Variants in GTSE1 observed in about 807,000 individuals in gnomAD.
The protein encoded by GTSE1 is G2 and S-phase expressed 1.
Under a neutral mutation model 60.5 loss-of-function variants are expected in GTSE1, and 52 were observed. That is an observed-to-expected ratio of 0.86 (90% CI 0.69 to 1.08). GTSE1 has a LOEUF of 1.08. Ranked by LOEUF, GTSE1 falls within the 50% of genes least tolerant of loss-of-function variation. The probability of loss-of-function intolerance (pLI) is 0.00; values close to 1 mark genes in which losing one functional copy is unlikely to be tolerated. For missense variants in GTSE1, 937 were observed against 961.8 expected (o/e 0.97, Z 0.34); for synonymous variants, 368 against 386.5 (o/e 0.95, Z 0.56).
chr22:46,326,128 C>T (rs2147833301), intron 8 of GTSE1, among the ~76,000 whole-genome samples: 1 of 152,382 alleles, frequency 6.6e-6, no homozygotes, highest in East Asian at 1.9e-4. Flanking sequence ...TGTGAAGTGA[C>T]ATTTAATGGT....
At position 46,329,490 on chromosome 22, in the gene GTSE1, A is replaced by G; in HGVS notation, c.2059A>G (p.Arg687Gly). Residue 687 changes from arginine (R) to glycine (G), a missense_variant, in exon 11 of 12, where the codon AGG becomes GGG. By Grantham distance (125) the Arg-to-Gly change is moderately radical. Coordinates refer to ENST00000454366, the MANE Select transcript of GTSE1 (RefSeq NM_016426.7). The surrounding 1 kb of genome is among the most constrained non-coding windows in gnomAD (Gnocchi z 6.4). ...EAHVAVGSES[R>G]PLIDLMTNTP... The stretch of plus-strand genomic sequence containing the variant: ...ACACGTGGCTGTAGGATCTGAAAGC[A>G]GGCCTCTGATCGACCTCATGACAAA... 3.1e-6 allele frequency: 5 copies of G among 1,614,180 alleles called. No individual in the cohort carries two copies. In the South Asian group the frequency reaches 3.3e-5, roughly 11 times the overall value.
intron 2 of GTSE1, among the ~76,000 whole-genome samples, chr22:46,302,035 G>A (rs1322036631): frequency 6.6e-6 from 1 of 152,144 alleles, no homozygotes; most frequent in Admixed American, 6.5e-5. Flanking sequence ...TAGGGCAGGA[G>A]AATCGCTTGA....
chr22:46,316,555 C>T lies in GTSE1; in HGVS notation c.1432+143C>T, dbSNP rs183643566. Reference sequence around the variant, plus strand: ...TTTCAGGTGTGACCCGCTGTCTTCTCGCCCACGTTGTTTTGGGGGGTCACT... The same window carrying T: ...TTTCAGGTGTGACCCGCTGTCTTCTTGCCCACGTTGTTTTGGGGGGTCACT... On this transcript the variant is annotated intron_variant, in intron 7 of 11. Coordinates refer to ENST00000454366, the MANE Select transcript of GTSE1 (RefSeq NM_016426.7). The surrounding 1 kb of genome is among the most constrained non-coding windows in gnomAD (Gnocchi z 5.0). The T allele has an allele frequency of 0.015, 9,916 of 655,708 alleles. 110 individuals carry two copies. Among genetic ancestry groups the T allele is most frequent in the Non-Finnish European group, 0.019 (7,237 of 388,012 alleles). 40.6% of individuals were successfully genotyped at this position (655,708 alleles called of 1,614,324 possible).
At chr22:46,328,413 G>A (rs1014127142) in intron 9 of GTSE1, among the ~76,000 whole-genome samples, 3 of 152,244 alleles carry the variant, frequency 2.0e-5, no homozygotes, top group African/African-American at 2.4e-5. Context: ...GGTGACGGGC[G>A]TGCGCATTAC....
At position 46,309,481 on chromosome 22, in the gene GTSE1, C is replaced by T. The variant is rs950219150; in HGVS notation, c.762+538C>T. 2.6e-5 allele frequency among the ~76,000 whole-genome samples: 4 copies of T among 152,074 alleles called. No homozygotes were observed. The highest frequency in any genetic ancestry group is 2.1e-4 in the South Asian group (1 of 4,820). On this transcript the variant is annotated intron_variant, in intron 4 of 11. Coordinates refer to ENST00000454366, the MANE Select transcript of GTSE1 (RefSeq NM_016426.7). This position sits in a 1 kb window ranked among gnomAD's most constrained non-coding sequence, Gnocchi z 6.2. The stretch of plus-strand genomic sequence containing the variant: ...AGGGCTGCCCGATCTGGCTCTTGCT[C>T]GGGAGAGGCCACAGAGAGGAAGACG...
rs1270613410 is a variant in GTSE1 at position 46,309,017 on chromosome 22, T to C, written c.762+74T>C. On this transcript the variant is annotated intron_variant, in intron 4 of 11. Transcript: ENST00000454366. This position sits in a 1 kb window ranked among gnomAD's most constrained non-coding sequence, Gnocchi z 6.2. ...CCTCAGCCCTCTCACAGAAGCCACATGCGGAAAGCCTCAGAGGTGGCGAGT... is the reference window on the plus strand; with the variant it reads ...CCTCAGCCCTCTCACAGAAGCCACACGCGGAAAGCCTCAGAGGTGGCGAGT... 11 of 1,499,758 alleles carry C rather than the reference T, an allele frequency of 7.3e-6. No individual in the cohort carries two copies. Among genetic ancestry groups the C allele is most frequent in the South Asian group, 2.6e-5 (2 of 76,444 alleles). The allele number at this position is 1,499,758 out of a possible 1,614,324, so 92.9% of individuals were successfully genotyped here.
Position 46,309,697 on chromosome 22 carries a change from G to A in GTSE1, c.762+754G>A, listed in dbSNP as rs1330424008. On this transcript the variant is annotated intron_variant, in intron 4 of 11. Transcript: ENST00000454366. This position sits in a 1 kb window ranked among gnomAD's most constrained non-coding sequence, Gnocchi z 6.2. ...CATCTCCTGAGCCACATGACTCCCT[G>A]TGGTGAGAGCCAAGGATGGAAGGCA... 6.6e-6 allele frequency among the ~76,000 whole-genome samples: 1 copy of A among 152,186 alleles called. No individual in the cohort carries two copies. The highest frequency in any genetic ancestry group is 1.5e-5 in the Non-Finnish European group (1 of 68,034).
At position 46,297,588 on chromosome 22, in the gene GTSE1, C is replaced by T. The variant is rs34986428; in HGVS notation, c.79+109C>T. ...CTTTCTCAAGTGCTCGACTTGTACT[C>T]TGCACCTGTGAAACACATGACATCT... is the stretch of plus-strand genomic sequence containing the variant. On this transcript the variant is annotated intron_variant, in intron 2 of 11. Coordinates refer to ENST00000454366, the MANE Select transcript of GTSE1 (RefSeq NM_016426.7). The surrounding 1 kb of genome is among the most constrained non-coding windows in gnomAD (Gnocchi z 4.9). 6.6e-6 allele frequency: 5 copies of T among 761,296 alleles called. No homozygotes were observed. In the Admixed American group the frequency reaches 1.2e-4, roughly 18 times the overall value. The allele number at this position is 761,296 out of a possible 1,614,324, so 47.2% of individuals were successfully genotyped here. A position where few individuals can be genotyped will look rare whatever the true frequency, so the allele number is the denominator to read the frequency against.
chr22:46,325,979 G>A (rs1465408619), intron 8 of GTSE1, among the ~76,000 whole-genome samples: 2 of 152,280 alleles, frequency 1.3e-5, no homozygotes, highest in African/African-American at 4.8e-5. Context: ...GCGACCTTAA[G>A]CCTGGGTATG....
rs1283806846 is a variant in GTSE1, at chr22:46,329,263, C to T, written c.1927-95C>T. The T allele has an allele frequency of 1.9e-6, 2 of 1,073,390 alleles. No homozygotes were observed. Among genetic ancestry groups the T allele is most frequent in the Admixed American group, 1.7e-5 (1 of 58,990 alleles). 66.5% of individuals were successfully genotyped at this position (1,073,390 alleles called of 1,614,324 possible). On this transcript the variant is annotated intron_variant, in intron 10 of 11. Coordinates refer to ENST00000454366, the MANE Select transcript of GTSE1 (RefSeq NM_016426.7). This position sits in a 1 kb window ranked among gnomAD's most constrained non-coding sequence, Gnocchi z 6.4. The stretch of plus-strand genomic sequence containing the variant: ...CCTGATTCCTTGGCTTTCCAAACCG[C>T]CAGCCCACCTGGAACATGAGCAAAG...
At chr22:46,302,955 A>G (rs1448470734) in intron 2 of GTSE1, among the ~76,000 whole-genome samples, 1 of 140,500 alleles carries the variant, frequency 7.1e-6, no homozygotes, top group South Asian at 2.2e-4. Context: ...GCTGGAGTGC[A>G]GTGGCGTGAT....
Position 46,297,586 on chromosome 22 carries a change from C to A in GTSE1, c.79+107C>A. 1 of 771,530 alleles carries A rather than the reference C, an allele frequency of 1.3e-6. No individual in the cohort carries two copies. Among genetic ancestry groups the A allele is most frequent in the Non-Finnish European group, 2.2e-6 (1 of 455,318 alleles). 47.8% of individuals were successfully genotyped at this position (771,530 alleles called of 1,614,324 possible). A position where few individuals can be genotyped will look rare whatever the true frequency, so the allele number is the denominator to read the frequency against. On this transcript the variant is annotated intron_variant, in intron 2 of 11. Coordinates refer to ENST00000454366, the MANE Select transcript of GTSE1 (RefSeq NM_016426.7). This position sits in a 1 kb window ranked among gnomAD's most constrained non-coding sequence, Gnocchi z 4.9. ...TTCTTTCTCAAGTGCTCGACTTGTA[C>A]TCTGCACCTGTGAAACACATGACAT... is the stretch of plus-strand genomic sequence containing the variant.
chr22:46,329,359 CTCT>C lies in GTSE1; in HGVS notation c.1933_1935del (p.Leu645del), dbSNP rs770233969. 2.7e-5 allele frequency: 43 copies of C among 1,612,414 alleles called. 1 individual carries two copies. In the South Asian group the frequency reaches 4.4e-4, roughly 16 times the overall value. On this transcript the variant is annotated inframe_deletion and splice_region_variant, in exon 11 of 12. Coordinates refer to ENST00000454366, the MANE Select transcript of GTSE1 (RefSeq NM_016426.7). The surrounding 1 kb of genome is among the most constrained non-coding windows in gnomAD (Gnocchi z 6.4). The stretch of plus-strand genomic sequence containing the variant: ...TCTTAACCTTGGTTTTGTACCCAGG[CTCT>C]TCTTGTAGATATCAAACTGGAACCA...
rs753816603 is a variant in GTSE1 at position 46,316,428 on chromosome 22, AT to A, written c.1432+20del. The A allele has an allele frequency of 1.3e-5, 18 of 1,389,296 alleles. No homozygotes were observed. The highest frequency in any genetic ancestry group is 1.7e-5 in the Non-Finnish European group (17 of 1,009,880). 86.1% of individuals were successfully genotyped at this position (1,389,296 alleles called of 1,614,324 possible). A position where few individuals can be genotyped will look rare whatever the true frequency, so the allele number is the denominator to read the frequency against. On this transcript the variant is annotated intron_variant, in intron 7 of 11. Transcript: ENST00000454366. The surrounding 1 kb of genome is among the most constrained non-coding windows in gnomAD (Gnocchi z 5.0). ...TTTTCTATTGGTGAGTAATAGATAC[AT>A]TTTAATGTGTCTTTAAAAAATACTG...
rs1172193815 is a variant in GTSE1, at chr22:46,314,880, ACT to A, written c.1051+872_1051+873del. 6.6e-6 allele frequency among the ~76,000 whole-genome samples: 1 copy of A among 151,334 alleles called. No homozygotes were observed. The highest frequency in any genetic ancestry group is 2.4e-5 in the African/African-American group (1 of 41,152). On this transcript the variant is annotated intron_variant, in intron 6 of 11. Coordinates refer to ENST00000454366, the MANE Select transcript of GTSE1 (RefSeq NM_016426.7). This position sits in a 1 kb window ranked among gnomAD's most constrained non-coding sequence, Gnocchi z 7.1. Reference sequence around the variant, plus strand: ...AAAAAAAAAAAAATGATAAGTGTGAACTCTCTAATCAGATTGATCTGATCTGG... The same window carrying A: ...AAAAAAAAAAAAATGATAAGTGTGAACTCTAATCAGATTGATCTGATCTGG...
At chr22:46,311,819 C>A (rs1024821641) in intron 4 of GTSE1, among the ~76,000 whole-genome samples, 3 of 152,292 alleles carry the variant, frequency 2.0e-5, no homozygotes, top group African/African-American at 7.2e-5. Context: ...TGTAACTAGA[C>A]CAGCTTTCTC....
At position 46,328,682 on chromosome 22, in the gene GTSE1, C is replaced by G. The variant is rs201875180; in HGVS notation, c.1725-6C>G. The G allele has an allele frequency of 3.1e-6, 5 of 1,605,616 alleles. No individual in the cohort carries two copies. Among genetic ancestry groups the G allele is most frequent in the Non-Finnish European group, 4.3e-6 (5 of 1,173,108 alleles). On this transcript the variant is annotated splice_polypyrimidine_tract_variant and splice_region_variant and intron_variant, in intron 9 of 11. Transcript: ENST00000454366. Reference sequence around the variant, plus strand: ...ATTTTCTCATAAGTTTTTTTCCTTCCCACAGAACTGAACCAACAAGGGAGA... The same window carrying G: ...ATTTTCTCATAAGTTTTTTTCCTTCGCACAGAACTGAACCAACAAGGGAGA...
intron 2 of GTSE1, among the ~76,000 whole-genome samples, chr22:46,302,543 G>A (rs1244602681): frequency 2.6e-5 from 4 of 151,908 alleles, no homozygotes; most frequent in Non-Finnish European, 5.9e-5. Context: ...TGTATTTTTT[G>A]TACAGACAAG....
At position 46,318,565 on chromosome 22, in the gene GTSE1, T is replaced by C. The variant is rs2077793934; in HGVS notation, c.1432+2153T>C. On this transcript the variant is annotated intron_variant, in intron 7 of 11. Coordinates refer to ENST00000454366, the MANE Select transcript of GTSE1 (RefSeq NM_016426.7). This position sits in a 1 kb window ranked among gnomAD's most constrained non-coding sequence, Gnocchi z 4.8. ...GAGCTGGCATGTTTGGGGAGGAATT[T>C]GCATCGGGTGGTTCTTTGGCAAAGA... Among the ~76,000 whole-genome samples, 1 of 152,084 alleles carries C rather than the reference T, an allele frequency of 6.6e-6. No individual in the cohort carries two copies. The highest frequency in any genetic ancestry group is 6.6e-5 in the Admixed American group (1 of 15,260).
Sources: allele counts gnomAD v4.1 joint callset (sites outside exome capture counted in the v4.1 genomes callset), GRCh38; gene constraint gnomAD v4.1.1; non-coding constraint Gnocchi (gnomAD v3.1); transcripts MANE v1.5; gene names NCBI Gene and HGNC (gene_info 2026-07-23, HGNC 2026-07-21).